RUSC1: variants seen among roughly 807,000 people sequenced by gnomAD.
The protein encoded by RUSC1 is RUN and SH3 domain containing 1, also known as AP-4 complex accessory subunit RUSC1.
In RUSC1, 40 loss-of-function variants were observed where a neutral mutation model predicts 72.1. That is an observed-to-expected ratio of 0.55 (90% CI 0.43 to 0.72). The LOEUF (loss-of-function observed/expected upper bound fraction) is 0.72. RUSC1 is among the 30% of genes least tolerant of loss of function. The probability of loss-of-function intolerance (pLI) is 0.00; values close to 1 mark genes in which losing one functional copy is unlikely to be tolerated. For synonymous variants in RUSC1, 512 were observed against 494.2 expected (o/e 1.04, Z -0.48); for missense variants, 1,092 against 1,172.3 (o/e 0.93, Z 1.00).
chr1:155,328,843 C>G (rs1651707772), intron 9 of RUSC1, among the ~76,000 whole-genome samples: 1 of 152,144 alleles, frequency 6.6e-6, no homozygotes, highest in Admixed American at 6.5e-5. Flanking sequence ...CGTGATCCGC[C>G]CGCCTTGGCC....
chr1:155,321,285 C>A (rs535585539), intron 1 of RUSC1: 6 of 1,369,318 alleles, frequency 4.4e-6, no homozygotes, highest in South Asian at 3.4e-5. Flanking sequence ...TATTGCCCCA[C>A]CCCCATCCTC....
Position 155,330,660 on chromosome 1 carries a change from C to A in RUSC1, c.*89C>A. 7.7e-7 allele frequency: 1 copy of A among 1,302,002 alleles called. No homozygotes were observed. The highest frequency in any genetic ancestry group is 1.0e-6 in the Non-Finnish European group (1 of 967,322). 80.7% of individuals were successfully genotyped at this position (1,302,002 alleles called of 1,614,324 possible). The stretch of plus-strand genomic sequence containing the variant: ...ACACCATCCCAGAAGCATTTTCCCT[C>A]TGCAAAATGACGTTTCTTCCCACGT... On this transcript the variant is annotated 3_prime_UTR_variant, in exon 10 of 10. Transcript: ENST00000368352.
Position 155,325,253 on chromosome 1 carries a change from CGGGAGGTGGCT to C in RUSC1, c.1534-54_1534-44del. ...CCGCGGGGGGTGCGGGAATGGTTGG[CGGGAGGTGGCT>C]GGGAGGTGTCTGGAGGGATCTCTGG... is the stretch of plus-strand genomic sequence containing the variant. On this transcript the variant is annotated intron_variant, in intron 4 of 9. Coordinates refer to ENST00000368352, the MANE Select transcript of RUSC1 (RefSeq NM_001105203.2). This position sits in a 1 kb window ranked among gnomAD's most constrained non-coding sequence, Gnocchi z 6.5. 3 of 1,610,278 alleles carry C rather than the reference CGGGAGGTGGCT, an allele frequency of 1.9e-6. No homozygotes were observed. The highest frequency in any genetic ancestry group is 2.2e-5 in the East Asian group (1 of 44,870).
At chr1:155,323,841 G>C in intron 2 of RUSC1, 2 of 881,084 alleles carry the variant, frequency 2.3e-6, no homozygotes, top group Non-Finnish European at 2.7e-6. Flanking sequence ...AGCCCCGCGG[G>C]CCACGCCTCA....
rs764215169 is a variant in RUSC1, at chr1:155,326,828, C to A, written c.2110C>A (p.Gln704Lys). 1.9e-6 allele frequency: 3 copies of A among 1,613,614 alleles called. No homozygotes were observed. The highest frequency in any genetic ancestry group is 2.5e-6 in the Non-Finnish European group (3 of 1,180,050). ...GCTGCACTTTGGGGGCCGGCTGGCC[C>A]AGAGCCTTCGGGGGACTTCCAAGGA... The part of the protein sequence containing the change: ...AMLHFGGRLA[Q>K]SLRGTSKEAA... The change falls in exon 8 of 10, where the codon CAG becomes AAG. Residue 704 changes from glutamine to lysine, a missense_variant. Gln to Lys is a moderately conservative substitution (Grantham distance 53). Transcript: ENST00000368352. This position sits in a 1 kb window ranked among gnomAD's most constrained non-coding sequence, Gnocchi z 4.7.
Position 155,326,632 on chromosome 1 carries a change from T to C in RUSC1, c.1914T>C (p.Gly638=), listed in dbSNP as rs1651440063. The C allele has an allele frequency of 6.2e-7, 1 of 1,613,972 alleles. No homozygotes were observed. The highest frequency in any genetic ancestry group is 8.5e-7 in the Non-Finnish European group (1 of 1,180,000). Residue 638 remains glycine (G), a synonymous_variant, in exon 8 of 10, where the codon GGT becomes GGC. Coordinates refer to ENST00000368352, the MANE Select transcript of RUSC1 (RefSeq NM_001105203.2). This position sits in a 1 kb window ranked among gnomAD's most constrained non-coding sequence, Gnocchi z 4.7. The part of the protein sequence containing the change: ...LPTGFFSLAR[G]GCPSLSTELL... ...CAGGATTTTTCTCCCTGGCCCGCGG[T>C]GGTTGTCCCTCCCTGTCCACAGAGC...
At chr1:155,321,314 C>G (rs759233192) in intron 1 of RUSC1, 11 of 1,371,860 alleles carry the variant, frequency 8.0e-6, no homozygotes, top group Non-Finnish European at 1.1e-5. Context: ...TTCAGGGCAT[C>G]TGGGTGGGTC....
intron 2 of RUSC1, chr1:155,324,287 G>A (rs1371375607): frequency 6.5e-7 from 1 of 1,545,504 alleles, no homozygotes; most frequent in African/African-American, 1.4e-5. Context: ...GCGGGATGAA[G>A]AGGGCACCCT....
At position 155,325,232 on chromosome 1, in the gene RUSC1, G is replaced by T. The variant is rs990680080; in HGVS notation, c.1533+54G>T. Reference sequence around the variant, plus strand: ...GATGAGGAGAGTAATGGAGCTCCGCGGGGGGTGCGGGAATGGTTGGCGGGA... The same window carrying T: ...GATGAGGAGAGTAATGGAGCTCCGCTGGGGGTGCGGGAATGGTTGGCGGGA... On this transcript the variant is annotated intron_variant, in intron 4 of 9. Transcript: ENST00000368352. This position sits in a 1 kb window ranked among gnomAD's most constrained non-coding sequence, Gnocchi z 6.5. 3.1e-6 allele frequency: 5 copies of T among 1,612,648 alleles called. No homozygotes were observed. The highest frequency in any genetic ancestry group is 1.3e-5 in the African/African-American group (1 of 74,914).
chr1:155,328,568 T>C (rs1236339128), intron 9 of RUSC1, among the ~76,000 whole-genome samples: 2 of 151,740 alleles, frequency 1.3e-5, no homozygotes, highest in Non-Finnish European at 2.9e-5. Context: ...TAGCTGGGAC[T>C]ACAGGTGCCC....
rs756360813 is a variant in RUSC1, at chr1:155,326,583, T to A, written c.1865T>A (p.Leu622Gln). 6.2e-7 allele frequency: 1 copy of A among 1,606,364 alleles called. No homozygotes were observed. Among genetic ancestry groups the A allele is most frequent in the Non-Finnish European group, 8.5e-7 (1 of 1,174,822 alleles). ...ATGTTGGCCTGCTCTTTTCCAGGCC[T>A]GCTCTCCCTCCTGTACCTGCCAACA... The part of the protein sequence containing the change: ...WFSSLQEDAG[L>Q]LSLLYLPTGF... The change falls in exon 8 of 10, where the codon CTG becomes CAG. Residue 622 changes from leucine to glutamine, a missense_variant. By Grantham distance (113) the Leu-to-Gln change is moderately radical. Transcript: ENST00000368352. This position sits in a 1 kb window ranked among gnomAD's most constrained non-coding sequence, Gnocchi z 4.7.
chr1:155,321,503 A>T (rs1650506072), intron 1 of RUSC1, 185 bp from the exon 2 acceptor site: 1 of 1,473,116 alleles, frequency 6.8e-7, no homozygotes, highest in Non-Finnish European at 9.1e-7. Context: ...GGGGGGTTAC[A>T]TTCGACTCCA....
intron 9 of RUSC1, 38 bp from the exon 10 acceptor site, chr1:155,330,365 C>A: frequency 6.2e-7 from 1 of 1,610,604 alleles, no homozygotes. Flanking sequence ...GCAGCCCCAC[C>A]TCACCTCATC....
chr1:155,325,060 G>A lies in RUSC1; in HGVS notation c.1457-42G>A, dbSNP rs1312250325. The A allele has an allele frequency of 1.2e-6, 2 of 1,614,058 alleles. No homozygotes were observed. Among genetic ancestry groups the A allele is most frequent in the Non-Finnish European group, 1.7e-6 (2 of 1,180,016 alleles). On this transcript the variant is annotated intron_variant, in intron 3 of 9. Coordinates refer to ENST00000368352, the MANE Select transcript of RUSC1 (RefSeq NM_001105203.2). This position sits in a 1 kb window ranked among gnomAD's most constrained non-coding sequence, Gnocchi z 6.5. ...ACGCCCCTCGGGCAAGCCTGGGTAGGGGCGCGGCCTCCTAGCGTCTTCCCT... is the reference window on the plus strand; with the variant it reads ...ACGCCCCTCGGGCAAGCCTGGGTAGAGGCGCGGCCTCCTAGCGTCTTCCCT...
In RUSC1 at chr1:155,322,702, A is replaced by G; in HGVS notation, c.929A>G (p.His310Arg). 1 of 1,614,236 alleles carries G rather than the reference A, an allele frequency of 6.2e-7. No homozygotes were observed. Residue 310 changes from histidine to arginine, a missense_variant, in exon 2 of 10, where the codon CAC (histidine) becomes CGC (arginine). By Grantham distance (29) the His-to-Arg change is conservative (BLOSUM62 0). Coordinates refer to ENST00000368352, the MANE Select transcript of RUSC1 (RefSeq NM_001105203.2). ...RSDVSEEPVP[H>R]RTITSFHELA... is the part of the protein sequence containing the mutation. ...GACGTCAGCGAGGAGCCGGTGCCCCACCGGACAATCACGTCCTTCCACGAG... is the reference window on the plus strand; with the variant it reads ...GACGTCAGCGAGGAGCCGGTGCCCCGCCGGACAATCACGTCCTTCCACGAG...
chr1:155,324,521 A>G (rs1381844126), intron 2 of RUSC1: 9 of 1,597,548 alleles, frequency 5.6e-6, no homozygotes, highest in Non-Finnish European at 7.7e-6. Context: ...CCCGCCCTAC[A>G]GGCCCTAGCA....
chr1:155,326,899 G>T lies in RUSC1; in HGVS notation c.2181G>T (p.Gly727=). ...ACTCTCCAAACCTTCCCACACCAGG[G>T]AGCTGGTGGGAGCAGTTGACCCAGG... ...PSDSPNLPTP[G]SWWEQLTQAS... The change falls in exon 8 of 10, where the codon GGG becomes GGT. Residue 727 remains glycine (G), a synonymous_variant. Transcript: ENST00000368352. This position sits in a 1 kb window ranked among gnomAD's most constrained non-coding sequence, Gnocchi z 4.7. 1 of 1,613,814 alleles carries T rather than the reference G, an allele frequency of 6.2e-7. No homozygotes were observed. Among genetic ancestry groups the T allele is most frequent in the South Asian group, 1.1e-5 (1 of 91,080 alleles).
Position 155,322,455 on chromosome 1 carries a change from A to C in RUSC1, c.682A>C (p.Ser228Arg). 1 of 1,614,104 alleles carries C rather than the reference A, an allele frequency of 6.2e-7. No individual in the cohort carries two copies. Among genetic ancestry groups the C allele is most frequent in the Non-Finnish European group, 8.5e-7 (1 of 1,179,964 alleles). The change falls in exon 2 of 10, where the codon AGT (serine) becomes CGT (arginine). Residue 228 changes from serine (S) to arginine (R), a missense_variant. Physicochemically the swap from Ser to Arg is moderately radical, Grantham distance 110. Coordinates refer to ENST00000368352, the MANE Select transcript of RUSC1 (RefSeq NM_001105203.2). ...GKIDAGKTEP[S>R]WKINPIWKID... ...AATCGACGCTGGGAAAACGGAGCCC[A>C]GTTGGAAGATTAACCCAATTTGGAA...
At position 155,325,063 on chromosome 1, in the gene RUSC1, C is replaced by T. The variant is rs755383159; in HGVS notation, c.1457-39C>T. 3.1e-6 allele frequency: 5 copies of T among 1,614,104 alleles called. No individual in the cohort carries two copies. Among genetic ancestry groups the T allele is most frequent in the Non-Finnish European group, 4.2e-6 (5 of 1,179,972 alleles). ...CCCCTCGGGCAAGCCTGGGTAGGGG[C>T]GCGGCCTCCTAGCGTCTTCCCTTTC... On this transcript the variant is annotated intron_variant, in intron 3 of 9. Transcript: ENST00000368352. This position sits in a 1 kb window ranked among gnomAD's most constrained non-coding sequence, Gnocchi z 6.5.
Sources: gnomAD v4.1 joint callset for allele counts (sites outside exome capture counted in the v4.1 genomes callset) on GRCh38, gnomAD v4.1.1 for gene constraint, Gnocchi (gnomAD v3.1) non-coding constraint, MANE v1.5 for transcripts, NCBI Gene and HGNC (gene_info 2026-07-23, HGNC 2026-07-21) for gene names.